CCDC66: variants seen among roughly 807,000 people sequenced by gnomAD.
CCDC66 encodes the protein coiled-coil domain containing 66, also known as coiled-coil domain-containing protein 66.
CCDC66 carries 133 observed loss-of-function variants against 128.3 expected under a neutral mutation model. That is an observed-to-expected ratio of 1.04 (90% CI 0.90 to 1.20). The LOEUF (loss-of-function observed/expected upper bound fraction) is 1.20, where lower values mean the gene tolerates loss of function less well. Among genes scored for constraint, CCDC66 ranks in the 50% most tolerant of loss-of-function variants. The pLI, the probability that CCDC66 is intolerant of heterozygous loss-of-function variation, is 0.00. For synonymous variants in CCDC66, 387 were observed against 357.0 expected, an observed-to-expected ratio of 1.08 and a Z score of -0.95; for missense variants, 1,126 against 1,075.5, an observed-to-expected ratio of 1.05 and a Z score of -0.66.
At chr3:56,614,213 T>G (rs1171107949) in intron 11 of CCDC66, among the ~76,000 whole-genome samples, 1 of 152,218 alleles carries the variant, frequency 6.6e-6, no homozygotes, top group African/African-American at 2.4e-5. Context: ...GTTTTATTAT[T>G]TCACATGATA....
rs1559787643 is a variant in CCDC66, at chr3:56,619,426, A to AT, written c.2538dup (p.Ile847TyrfsTer8). ...TCATCTGGGATTTCTGAATCATCCC[A>AT]TTTTATTCCGTATGTTCGAACAAAT... On this transcript the variant is annotated frameshift_variant, in exon 16 of 18. Coordinates refer to ENST00000394672, the MANE Select transcript of CCDC66 (RefSeq NM_001141947.3). LOFTEE classifies it high-confidence loss of function. The AT allele has an allele frequency of 6.2e-7, 1 of 1,613,930 alleles. No homozygotes were observed. Among genetic ancestry groups the AT allele is most frequent in the Non-Finnish European group, 8.5e-7 (1 of 1,179,966 alleles).
chr3:56,609,283 G>A (rs1245229520), intron 10 of CCDC66, among the ~76,000 whole-genome samples: 1 of 152,106 alleles, frequency 6.6e-6, no homozygotes, highest in Non-Finnish European at 1.5e-5. Flanking sequence ...ACAGTGTTAG[G>A]TGCATATATG....
intron 15 of CCDC66, 130 bp downstream of exon 15, chr3:56,618,342 G>A (rs2075800672): frequency 1.2e-6 from 1 of 812,680 alleles, no homozygotes; most frequent in Non-Finnish European, 2.0e-6. Flanking sequence ...GCTTCCAGGT[G>A]AGGGTTAGAG....
chr3:56,597,616 T>C (rs1261152118), intron 10 of CCDC66, among the ~76,000 whole-genome samples: 1 of 151,994 alleles, frequency 6.6e-6, no homozygotes, highest in East Asian at 1.9e-4. Context: ...TCCTAGATAT[T>C]TTATTGTTTT....
intron 10 of CCDC66, among the ~76,000 whole-genome samples, chr3:56,604,769 T>C (rs1376823122): frequency 2.6e-5 from 4 of 152,004 alleles, no homozygotes; most frequent in Non-Finnish European, 5.9e-5. Flanking sequence ...TTTGGGTTGC[T>C]CTTCTCCAGG....
intron 10 of CCDC66, among the ~76,000 whole-genome samples, chr3:56,611,665 C>A (rs934291449): frequency 1.3e-5 from 2 of 151,072 alleles, no homozygotes; most frequent in Non-Finnish European, 2.9e-5. Context: ...GAGTTTTAAC[C>A]CCTGCTCCTC....
rs2076025723 is a variant in CCDC66 at position 56,619,313 on chromosome 3, A to G, written c.2421A>G (p.Gln807=). The G allele has an allele frequency of 6.2e-7, 1 of 1,613,010 alleles. No homozygotes were observed. The highest frequency in any genetic ancestry group is 8.5e-7 in the Non-Finnish European group (1 of 1,179,566). Residue 807 remains glutamine, a synonymous_variant, in exon 16 of 18, where the codon CAA becomes CAG. Transcript: ENST00000394672. The stretch of plus-strand genomic sequence containing the variant: ...TTCCAGTAGTGAAAAACAGAACCCA[A>G]CAAACTCAAAATACATTACATTTAC... ...SPVPVVKNRT[Q]QTQNTLHLPL...
At chr3:56,611,846 T>A (rs1650682393) in intron 10 of CCDC66, among the ~76,000 whole-genome samples, 1 of 152,148 alleles carries the variant, frequency 6.6e-6, no homozygotes, top group South Asian at 2.1e-4. Flanking sequence ...CCGCAAAGAC[T>A]TTCAGCTTCT....
At chr3:56,620,088 C>A in intron 17 of CCDC66, 187 bp downstream of exon 17, 1 of 462,620 alleles carries the variant, frequency 2.2e-6, no homozygotes. Context: ...TTTACACTGC[C>A]GTCTTTGAGT....
At chr3:56,571,107 G>A in intron 6 of CCDC66, 74 bp from the exon 7 acceptor site, 1 of 1,113,092 alleles carries the variant, frequency 9.0e-7, no homozygotes, top group Non-Finnish European at 1.3e-6. Flanking sequence ...TCTGCATTAA[G>A]AAGGTCAGAT....
intron 10 of CCDC66, among the ~76,000 whole-genome samples, chr3:56,605,315 G>T (rs1379039381): frequency 1.3e-5 from 2 of 151,988 alleles, no homozygotes; most frequent in African/African-American, 4.8e-5. Context: ...TTCCCTTGCT[G>T]GCAAGGACTT....
chr3:56,591,047 C>G (rs1442377683), intron 7 of CCDC66, among the ~76,000 whole-genome samples: 1 of 152,202 alleles, frequency 6.6e-6, no homozygotes, highest in Non-Finnish European at 1.5e-5. Flanking sequence ...CTACCTCTCC[C>G]CATCTCCCAC....
rs371527956 is a variant in CCDC66 at position 56,599,354 on chromosome 3, A to T, written c.1404+5326A>T. ...AGCTTATTGGTTTTGTTTATCTTTT[A>T]AAAAATCTTTGTTTCTTTGATCCTT... On this transcript the variant is annotated intron_variant, in intron 10 of 17. Coordinates refer to ENST00000394672, the MANE Select transcript of CCDC66 (RefSeq NM_001141947.3). 3.3e-4 allele frequency among the ~76,000 whole-genome samples: 50 copies of T among 151,926 alleles called. 1 individual carries two copies. The highest frequency in any genetic ancestry group is 1.2e-3 in the African/African-American group (49 of 41,416).
chr3:56,563,234 A>G (rs2065343640), intron 3 of CCDC66, among the ~76,000 whole-genome samples: 1 of 151,824 alleles, frequency 6.6e-6, no homozygotes, highest in Non-Finnish European at 1.5e-5. Context: ...GGTGGTGGGC[A>G]CCTGTAATCC....
chr3:56,597,926 C>G (rs2107058009), intron 10 of CCDC66, among the ~76,000 whole-genome samples: 1 of 151,480 alleles, frequency 6.6e-6, no homozygotes, highest in South Asian at 2.1e-4. Flanking sequence ...AGGCATGTGC[C>G]ACCGCACCTT....
chr3:56,586,358 C>G (rs2069722729), intron 7 of CCDC66, among the ~76,000 whole-genome samples: 1 of 151,258 alleles, frequency 6.6e-6, no homozygotes, highest in African/African-American at 2.4e-5. Flanking sequence ...GAAACCCCAT[C>G]TCTACTTAAA....
Position 56,559,560 on chromosome 3 carries a change from C to T in CCDC66, c.77-9C>T, listed in dbSNP as rs754017931. The T allele has an allele frequency of 3.5e-5, 54 of 1,521,226 alleles. 1 individual carries two copies. The South Asian group carries it at 6.3e-4, about 18-fold the overall frequency. The allele number at this position is 1,521,226 out of a possible 1,614,324, so 94.2% of individuals were successfully genotyped here. A position where few individuals can be genotyped will look rare whatever the true frequency, so the allele number is the denominator to read the frequency against. On this transcript the variant is annotated splice_polypyrimidine_tract_variant and intron_variant, in intron 2 of 17. Transcript: ENST00000394672. ...TGGATAGTTTAGTAATTTCTTTTTT[C>T]TTTTGTAGAACATAAATCAAAAATT...
intron 10 of CCDC66, among the ~76,000 whole-genome samples, chr3:56,610,259 T>A (rs113440727): frequency 0.02 from 3,115 of 152,290 alleles, 47 homozygotes; most frequent in Non-Finnish European, 0.033. Context: ...CTTCTACTTG[T>A]TCAATTCTAT....
intron 6 of CCDC66, among the ~76,000 whole-genome samples, chr3:56,568,609 C>T (rs573773867): frequency 4.6e-5 from 7 of 152,296 alleles, no homozygotes; most frequent in African/African-American, 1.7e-4. Flanking sequence ...AAACTTTTCC[C>T]ATTTCCTGGA....
Sources: gnomAD v4.1 joint callset for allele counts (sites outside exome capture counted in the v4.1 genomes callset) on GRCh38, gnomAD v4.1.1 for gene constraint, MANE v1.5 for transcripts, NCBI Gene and HGNC (gene_info 2026-07-23, HGNC 2026-07-21) for gene names.